The following VPS13D variants were observed in gnomAD, a reference collection of about 807,000 sequenced individuals.
The protein encoded by VPS13D is intermembrane lipid transfer protein VPS13D.
In VPS13D, 187 loss-of-function variants were observed where a neutral mutation model predicts 461.9. The ratio of observed to expected loss-of-function variants is 0.40; its 90% CI spans 0.36 to 0.46. VPS13D has a LOEUF of 0.46. Ranked by LOEUF, VPS13D falls within the 20% of genes least tolerant of loss-of-function variation. VPS13D has a pLI of 0.60. For synonymous variants in VPS13D, 1,951 were observed against 1,986.3 expected, an observed-to-expected ratio of 0.98 and a Z score of 0.47; for missense variants, 4,711 against 5,364.9, an observed-to-expected ratio of 0.88 and a Z score of 3.81.
intron 23 of VPS13D, among the ~76,000 whole-genome samples, chr1:12,292,468 C>G (rs1249849843): frequency 8.6e-6 from 1 of 115,912 alleles, no homozygotes; most frequent in Admixed American, 1.2e-4. Context: ...GAGACGAGGT[C>G]TCGCTCTGTC....
At position 12,368,612 on chromosome 1, in the gene VPS13D, CCAG is replaced by C. The variant is rs746928244; in HGVS notation, c.10572+22_10572+24del. On this transcript the variant is annotated intron_variant, in intron 53 of 69. Transcript: ENST00000620676. Reference sequence around the variant, plus strand: ...CTAAGGTATCAAGTGGAGCTGAGAGCCAGTTTGACTGTTTCATGTGTGGGAGGG... The same window carrying C: ...CTAAGGTATCAAGTGGAGCTGAGAGCTTTGACTGTTTCATGTGTGGGAGGG... 17 of 1,605,736 alleles carry C rather than the reference CCAG, an allele frequency of 1.1e-5. No homozygotes were observed. In the Admixed American group the frequency reaches 2.9e-4, roughly 27 times the overall value.
chr1:12,249,916 C>T (rs1640680847), intron 6 of VPS13D, among the ~76,000 whole-genome samples: 1 of 152,068 alleles, frequency 6.6e-6, no homozygotes, highest in African/African-American at 2.4e-5. Context: ...TACTGCAGAC[C>T]CCGCTGGGTA....
chr1:12,440,024 C>G (rs899212393), intron 65 of VPS13D, among the ~76,000 whole-genome samples: 3 of 152,178 alleles, frequency 2.0e-5, no homozygotes, highest in African/African-American at 7.2e-5. Context: ...TGAACACATT[C>G]AAATGTTTTA....
In VPS13D at chr1:12,353,912, A is replaced by G. The variant is rs147955552; in HGVS notation, c.9432-62A>G. Reference sequence around the variant, plus strand: ...TGTTATTCTTTCTCATACTTAGCTAAGGAGAAAAAATTTAAGTTCTTCATT... The same window carrying G: ...TGTTATTCTTTCTCATACTTAGCTAGGGAGAAAAAATTTAAGTTCTTCATT... On this transcript the variant is annotated intron_variant, in intron 46 of 69. Transcript: ENST00000620676. 5.9e-4 allele frequency: 909 copies of G among 1,543,754 alleles called. 2 individuals carry two copies. In the African/African-American group the frequency reaches 0.012, roughly 20 times the overall value.
intron 67 of VPS13D, among the ~76,000 whole-genome samples, chr1:12,488,736 A>T (rs1036987251): frequency 2.2e-4 from 33 of 150,508 alleles, no homozygotes; most frequent in African/African-American, 7.8e-4. Context: ...GCTTGTTATT[A>T]TTAGCATGCG....
chr1:12,306,184 C>T (rs1388804300), intron 26 of VPS13D, among the ~76,000 whole-genome samples: 1 of 152,106 alleles, frequency 6.6e-6, no homozygotes, highest in Non-Finnish European at 1.5e-5. Flanking sequence ...TGGGGTTTCA[C>T]CGTGTTAGCC....
At chr1:12,330,090 G>C (rs973299156) in intron 37 of VPS13D, among the ~76,000 whole-genome samples, 172 bp downstream of exon 37, 2 of 152,156 alleles carry the variant, frequency 1.3e-5, no homozygotes, top group Non-Finnish European at 2.9e-5. Flanking sequence ...TTTCTGTTGT[G>C]CTAAAAACAT....
chr1:12,249,968 G>A (rs1640682617), intron 6 of VPS13D, among the ~76,000 whole-genome samples: 1 of 152,168 alleles, frequency 6.6e-6, no homozygotes, highest in East Asian at 1.9e-4. Flanking sequence ...TCAGATGCCA[G>A]TCACAAGGCC....
chr1:12,300,724 A>G (rs1557695182), intron 25 of VPS13D, among the ~76,000 whole-genome samples: 2 of 152,302 alleles, frequency 1.3e-5, no homozygotes, highest in South Asian at 2.1e-4. Flanking sequence ...AAAAATGGAA[A>G]CACCTAGTAA....
chr1:12,501,418 A>G (rs117470349), intron 68 of VPS13D, among the ~76,000 whole-genome samples: 5,127 of 152,244 alleles, frequency 0.034, 176 homozygotes, highest in Admixed American at 0.11. Context: ...TTGTTGATAC[A>G]CCTCTGAATT....
At chr1:12,308,222 C>T (rs554027151) in intron 26 of VPS13D, among the ~76,000 whole-genome samples, 3 of 152,086 alleles carry the variant, frequency 2.0e-5, no homozygotes, top group East Asian at 1.9e-4. Flanking sequence ...CAGGGTGTGT[C>T]GAGCACATGG....
At chr1:12,381,599 C>G (rs1644272279) in intron 57 of VPS13D, among the ~76,000 whole-genome samples, 1 of 152,190 alleles carries the variant, frequency 6.6e-6, no homozygotes, top group South Asian at 2.1e-4. Context: ...GGAGTATGTG[C>G]CTGTAACAAT....
At chr1:12,490,564 G>A (rs1465069415) in intron 67 of VPS13D, among the ~76,000 whole-genome samples, 1 of 152,228 alleles carries the variant, frequency 6.6e-6, no homozygotes, top group Non-Finnish European at 1.5e-5. Flanking sequence ...GGAGCTACAC[G>A]TCAGAGGTAG....
rs963521086 is a variant in VPS13D at position 12,492,202 on chromosome 1, C to A, written c.12663-5298C>A. Among the ~76,000 whole-genome samples the A allele has an allele frequency of 5.3e-5, 8 of 152,356 alleles. No individual in the cohort carries two copies. The East Asian group carries it at 1.3e-3, about 26-fold the overall frequency. ...CCTGAGTCGTTTAGACGTTGATCTG[C>A]TGCTGTAGCACCAATGGCAGGATCT... On this transcript the variant is annotated intron_variant, in intron 67 of 69. Coordinates refer to ENST00000620676, the MANE Select transcript of VPS13D (RefSeq NM_015378.4).
At chr1:12,341,499 C>T (rs973855369) in intron 40 of VPS13D, among the ~76,000 whole-genome samples, 5 of 152,134 alleles carry the variant, frequency 3.3e-5, no homozygotes, top group Non-Finnish European at 5.9e-5. Flanking sequence ...TTATTTCTTT[C>T]GTGATTCCCA....
Position 12,358,455 on chromosome 1 carries a change from A to T in VPS13D, c.9999-4A>T. ...ATCTACATCTTTGCTTTTCTGCCCC[A>T]CAGCTGCACGATGAGAATCGGAAGG... On this transcript the variant is annotated splice_region_variant and splice_polypyrimidine_tract_variant and intron_variant, in intron 49 of 69. Transcript: ENST00000620676. 1 of 1,613,774 alleles carries T rather than the reference A, an allele frequency of 6.2e-7. No homozygotes were observed. The highest frequency in any genetic ancestry group is 8.5e-7 in the Non-Finnish European group (1 of 1,179,908).
Position 12,234,234 on chromosome 1 carries a change from G to T in VPS13D, c.-33G>T. The T allele has an allele frequency of 7.0e-7, 1 of 1,435,332 alleles. No homozygotes were observed. The highest frequency in any genetic ancestry group is 9.7e-7 in the Non-Finnish European group (1 of 1,027,906). The allele number at this position is 1,435,332 out of a possible 1,614,324, so 88.9% of individuals were successfully genotyped here. ...AAGAGAGAAATAAAGAATGATCCAT[G>T]ATTTCTAAACACCTTTTCCTGAGGA... On this transcript the variant is annotated 5_prime_UTR_variant, in exon 2 of 70. The change abolishes an upstream ATG in the 5' untranslated region. Transcript: ENST00000620676.
At chr1:12,269,410 A>G (rs1299754997) in intron 16 of VPS13D, among the ~76,000 whole-genome samples, 1 of 152,270 alleles carries the variant, frequency 6.6e-6, no homozygotes, top group Non-Finnish European at 1.5e-5. Flanking sequence ...CTGTATGTTC[A>G]GCCAGAATTG....
intron 24 of VPS13D, among the ~76,000 whole-genome samples, chr1:12,297,538 C>T (rs1642310254): frequency 6.6e-6 from 1 of 152,094 alleles, no homozygotes; most frequent in Non-Finnish European, 1.5e-5. Flanking sequence ...TACTATTCTT[C>T]CCTTGACTCA....
Sources: gnomAD v4.1 joint callset for allele counts (sites outside exome capture counted in the v4.1 genomes callset) on GRCh38, gnomAD v4.1.1 for gene constraint, MANE v1.5 for transcripts, NCBI Gene and HGNC (gene_info 2026-07-23, HGNC 2026-07-21) for gene names.